Variants in SHISA6 observed in about 807,000 individuals in gnomAD.
SHISA6 encodes the protein shisa family member 6.
In SHISA6, 22 loss-of-function variants were observed where a neutral mutation model predicts 47.9. The observed-to-expected ratio is 0.46, with a 90% CI of 0.33 to 0.66. The LOEUF (loss-of-function observed/expected upper bound fraction) is 0.66. Ranked by LOEUF, SHISA6 falls within the 30% of genes least tolerant of loss-of-function variation. The pLI is 0.02. For synonymous variants in SHISA6, 388 were observed against 337.8 expected, an observed-to-expected ratio of 1.15 and a Z score of -1.63; for missense variants, 680 against 764.6, an observed-to-expected ratio of 0.89 and a Z score of 1.30.
At chr17:11,263,672 C>G in intron 2 of SHISA6, 146 bp downstream of exon 2, 1 of 1,033,716 alleles carries the variant, frequency 9.7e-7, no homozygotes, top group Non-Finnish European at 1.4e-6. Context: ...ATTTTTGGGA[C>G]TCTCTCCCTG....
chr17:11,484,203 T>C lies in SHISA6; in HGVS notation c.896-67693T>C, dbSNP rs189092307. Among the ~76,000 whole-genome samples the C allele has an allele frequency of 2.1e-3, 317 of 152,292 alleles. 3 individuals are homozygous for C. The highest frequency in any genetic ancestry group is 1.3e-3 in the East Asian group (7 of 5,188). ...ATTCTGAAAAAGTAGGAGAGCATAATTGATCATCATGAAAGCCAAAATTAA... is the reference window on the plus strand; with the variant it reads ...ATTCTGAAAAAGTAGGAGAGCATAACTGATCATCATGAAAGCCAAAATTAA... On this transcript the variant is annotated intron_variant, in intron 3 of 5. Transcript: ENST00000441885.
chr17:11,435,658 G>C (rs1056285810), intron 3 of SHISA6, among the ~76,000 whole-genome samples: 1 of 152,116 alleles, frequency 6.6e-6, no homozygotes, highest in Non-Finnish European at 1.5e-5. Flanking sequence ...CATCTGAAGG[G>C]GGTATCATTT....
Position 11,558,458 on chromosome 17 carries a change from C to T in SHISA6, c.*154C>T. 1 of 811,440 alleles carries T rather than the reference C, an allele frequency of 1.2e-6. No individual in the cohort carries two copies. The highest frequency in any genetic ancestry group is 2.7e-5 in the East Asian group (1 of 37,360). The allele number at this position is 811,440 out of a possible 1,614,324, so 50.3% of individuals were successfully genotyped here. A position where few individuals can be genotyped will look rare whatever the true frequency, so the allele number is the denominator to read the frequency against. ...CACCTTTGCCCAAAAAGCCATACCCCCGGGGACACAGCCCCGATGGCCTGG... is the reference window on the plus strand; with the variant it reads ...CACCTTTGCCCAAAAAGCCATACCCTCGGGGACACAGCCCCGATGGCCTGG... On this transcript the variant is annotated 3_prime_UTR_variant, in exon 6 of 6. Coordinates refer to ENST00000441885, the MANE Select transcript of SHISA6 (RefSeq NM_207386.4).
At chr17:11,283,981 G>C (rs1403233118) in intron 2 of SHISA6, among the ~76,000 whole-genome samples, 1 of 152,010 alleles carries the variant, frequency 6.6e-6, no homozygotes. Context: ...GTTCTCCTAA[G>C]TTTTCCTTGT....
At chr17:11,421,166 A>T (rs1914443645) in intron 3 of SHISA6, among the ~76,000 whole-genome samples, 1 of 152,126 alleles carries the variant, frequency 6.6e-6, no homozygotes, top group African/African-American at 2.4e-5. Context: ...TACCTCTCAT[A>T]TTCTGAGATT....
intron 2 of SHISA6, among the ~76,000 whole-genome samples, chr17:11,331,271 GCTT>G (rs1166132888): frequency 6.6e-6 from 1 of 152,254 alleles, no homozygotes; most frequent in East Asian, 1.9e-4. Flanking sequence ...CTTTGGAAAA[GCTT>G]CTTCTTCAGA....
chr17:11,445,410 G>A (rs1251604450), intron 3 of SHISA6, among the ~76,000 whole-genome samples: 5 of 152,196 alleles, frequency 3.3e-5, no homozygotes, highest in East Asian at 3.9e-4. Context: ...CATGCAAACC[G>A]TCACTGTACA....
intron 2 of SHISA6, among the ~76,000 whole-genome samples, chr17:11,341,328 C>CTTTTTTTTTTT (rs71367322): frequency 2.3e-5 from 2 of 88,818 alleles, no homozygotes; most frequent in Admixed American, 1.3e-4. Context: ...CTCTCTCTCT[C>CTTTTTTTTTTT]TTTTTTTTTT....
chr17:11,320,467 G>A (rs1910675704), intron 2 of SHISA6, among the ~76,000 whole-genome samples: 2 of 152,106 alleles, frequency 1.3e-5, no homozygotes, highest in South Asian at 4.1e-4. Flanking sequence ...AGACCAGCCT[G>A]GCTAACATGG....
intron 3 of SHISA6, among the ~76,000 whole-genome samples, chr17:11,544,737 G>T (rs2071867357): frequency 6.6e-6 from 1 of 152,032 alleles, no homozygotes; most frequent in Non-Finnish European, 1.5e-5. Context: ...AAGGCGGGTG[G>T]ATCACGAGGT....
intron 1 of SHISA6, among the ~76,000 whole-genome samples, chr17:11,260,320 G>A (rs1207090801): frequency 6.6e-6 from 1 of 152,062 alleles, no homozygotes; most frequent in Admixed American, 6.6e-5. Flanking sequence ...GCAGCAAAAA[G>A]GGCTCGCTGT....
intron 2 of SHISA6, among the ~76,000 whole-genome samples, chr17:11,312,837 AC>A (rs1390547522): frequency 6.6e-6 from 1 of 152,192 alleles, no homozygotes; most frequent in Admixed American, 6.5e-5. Context: ...TTTTTTAAAA[AC>A]AATATATATT....
At position 11,526,986 on chromosome 17, in the gene SHISA6, C is replaced by A. The variant is rs73286881; in HGVS notation, c.896-24910C>A. 6.6e-3 allele frequency among the ~76,000 whole-genome samples: 768 copies of A among 115,526 alleles called. 5 individuals carry two copies. The highest frequency in any genetic ancestry group is 0.023 in the African/African-American group (714 of 30,792). 75.8% of individuals were successfully genotyped at this position (115,526 alleles called of 152,430 possible). A position where few individuals can be genotyped will look rare whatever the true frequency, so the allele number is the denominator to read the frequency against. On this transcript the variant is annotated intron_variant, in intron 3 of 5. Transcript: ENST00000441885. ...AGGCTATCCATCGCCTTGATAGCTTCTTGACTTTAATAAGCACTCCAGATG... is the reference window on the plus strand; with the variant it reads ...AGGCTATCCATCGCCTTGATAGCTTATTGACTTTAATAAGCACTCCAGATG...
intron 2 of SHISA6, among the ~76,000 whole-genome samples, chr17:11,350,182 A>ATTTATTTTTTTTTTTT: frequency 8.6e-6 from 1 of 116,240 alleles, no homozygotes; most frequent in Non-Finnish European, 1.7e-5. Context: ...TTATTTATTT[A>ATTTATTTTTTTTTTTT]TTTTTTTTTT....
At chr17:11,547,755 G>C (rs1052732858) in intron 3 of SHISA6, among the ~76,000 whole-genome samples, 3 of 152,182 alleles carry the variant, frequency 2.0e-5, no homozygotes, top group Admixed American at 6.5e-5. Flanking sequence ...ATATGTATAA[G>C]AGGTAATTCT....
At chr17:11,486,407 A>G (rs950267253) in intron 3 of SHISA6, among the ~76,000 whole-genome samples, 1 of 152,206 alleles carries the variant, frequency 6.6e-6, no homozygotes. Context: ...CTGAATGACA[A>G]TGCTAGCACA....
intron 2 of SHISA6, among the ~76,000 whole-genome samples, chr17:11,345,566 T>G (rs1462828026): frequency 1.3e-5 from 2 of 152,158 alleles, no homozygotes; most frequent in Non-Finnish European, 2.9e-5. Flanking sequence ...ATTTGGGGAA[T>G]TTTGCTATCT....
chr17:11,444,130 C>T (rs1339276721), intron 3 of SHISA6, among the ~76,000 whole-genome samples: 2 of 152,062 alleles, frequency 1.3e-5, no homozygotes, highest in Non-Finnish European at 2.9e-5. Context: ...ACCAGCCTGG[C>T]CAACATGGTG....
At chr17:11,270,331 C>T (rs1282545998) in intron 2 of SHISA6, among the ~76,000 whole-genome samples, 2 of 152,206 alleles carry the variant, frequency 1.3e-5, no homozygotes, top group African/African-American at 4.8e-5. Context: ...AAGTAGTGGA[C>T]AGCACAGGTT....
Sources: gnomAD v4.1 joint callset for allele counts (sites outside exome capture counted in the v4.1 genomes callset) on GRCh38, gnomAD v4.1.1 for gene constraint, MANE v1.5 for transcripts, NCBI Gene and HGNC (gene_info 2026-07-23, HGNC 2026-07-21) for gene names.